The following CDH4 variants were observed in gnomAD, a reference collection of about 807,000 sequenced individuals.
CDH4 encodes cadherin-4.
A neutral mutation model predicts 86.0 loss-of-function variants in CDH4; 33 were observed. The observed-to-expected ratio is 0.38, with a 90% CI of 0.29 to 0.51. The LOEUF (loss-of-function observed/expected upper bound fraction) is 0.51. Among genes scored for constraint, CDH4 ranks in the 20% least tolerant of loss-of-function variants. The pLI, the probability that CDH4 is intolerant of heterozygous loss-of-function variation, is 0.86. For synonymous variants in CDH4, 555 were observed against 549.4 expected, an observed-to-expected ratio of 1.01 and a Z score of -0.14; for missense variants, 1,114 against 1,307.4, an observed-to-expected ratio of 0.85 and a Z score of 2.28.
intron 2 of CDH4, among the ~76,000 whole-genome samples, chr20:61,494,740 GAA>G (rs900019723): frequency 1.3e-5 from 2 of 152,254 alleles, no homozygotes; most frequent in African/African-American, 4.8e-5. Context: ...GCATTGGAGA[GAA>G]AGGGACTTAT....
intron 4 of CDH4, among the ~76,000 whole-genome samples, chr20:61,793,440 G>A (rs1006655209): frequency 2.6e-5 from 4 of 152,202 alleles, no homozygotes; most frequent in African/African-American, 7.2e-5. Context: ...AAAGGCTCTG[G>A]GGGCTAGGGG....
intron 2 of CDH4, among the ~76,000 whole-genome samples, chr20:61,721,160 A>G (rs956577242): frequency 6.6e-6 from 1 of 152,252 alleles, no homozygotes; most frequent in Non-Finnish European, 1.5e-5. Flanking sequence ...GAATGCCTCC[A>G]GGATGAGTAT....
intron 2 of CDH4, among the ~76,000 whole-genome samples, chr20:61,459,782 A>T (rs1247574449): frequency 1.3e-5 from 2 of 151,850 alleles, no homozygotes. Flanking sequence ...GGCAGAAATG[A>T]TTCCCCCAGG....
At chr20:61,906,984 C>T (rs1020065083) in intron 8 of CDH4, among the ~76,000 whole-genome samples, 2 of 152,144 alleles carry the variant, frequency 1.3e-5, no homozygotes, top group African/African-American at 2.4e-5. Context: ...GCAGGGGTCA[C>T]CTGCCTGCCT....
chr20:61,349,537 G>A (rs1220659079), intron 2 of CDH4, among the ~76,000 whole-genome samples: 2 of 152,236 alleles, frequency 1.3e-5, no homozygotes, highest in African/African-American at 4.8e-5. Flanking sequence ...GGATCCAGAC[G>A]AGGCCGGGAG....
chr20:61,583,385 G>A (rs73138615), intron 2 of CDH4, among the ~76,000 whole-genome samples: 4,014 of 152,214 alleles, frequency 0.026, 68 homozygotes, highest in Middle Eastern at 0.071. Context: ...ATGTCTGGGT[G>A]CTTGCCTGTC....
chr20:61,648,914 G>A (rs900523745), intron 2 of CDH4, among the ~76,000 whole-genome samples: 1 of 152,204 alleles, frequency 6.6e-6, no homozygotes. Flanking sequence ...TTGTCCTGGA[G>A]TCTGTCCTGC....
chr20:61,377,745 A>G lies in CDH4; in HGVS notation c.169+122808A>G, dbSNP rs1410700157. ...CCAAGCAATTCTTCAGTGCTGTGTA[A>G]AGGGTACATTCCATCTGTTCCCCAT... On this transcript the variant is annotated intron_variant, in intron 2 of 15. Transcript: ENST00000614565. The surrounding 1 kb of genome is among the most constrained non-coding windows in gnomAD (Gnocchi z 4.0). Among the ~76,000 whole-genome samples the G allele has an allele frequency of 6.6e-6, 1 of 152,168 alleles. No homozygotes were observed. Among genetic ancestry groups the G allele is most frequent in the Non-Finnish European group, 1.5e-5 (1 of 68,018 alleles).
intron 2 of CDH4, among the ~76,000 whole-genome samples, chr20:61,310,925 C>T (rs1283308303): frequency 6.6e-6 from 1 of 152,156 alleles, no homozygotes; most frequent in African/African-American, 2.4e-5. Flanking sequence ...GCCCTGGCTC[C>T]AAATACAGCC....
At chr20:61,606,524 C>T (rs2086646923) in intron 2 of CDH4, among the ~76,000 whole-genome samples, 1 of 152,234 alleles carries the variant, frequency 6.6e-6, no homozygotes, top group Non-Finnish European at 1.5e-5. Flanking sequence ...GTCCTGTGAA[C>T]ACAGAGGTCC....
chr20:61,747,842 A>G (rs773947421), intron 3 of CDH4, among the ~76,000 whole-genome samples: 4 of 152,262 alleles, frequency 2.6e-5, no homozygotes, highest in Non-Finnish European at 5.9e-5. Context: ...GGGCAGAAGT[A>G]ATATTTGAAA....
chr20:61,357,966 G>A (rs1310735225), intron 2 of CDH4, among the ~76,000 whole-genome samples: 5 of 152,148 alleles, frequency 3.3e-5, no homozygotes, highest in South Asian at 2.1e-4. Flanking sequence ...TTGGCAGGGC[G>A]TGGCGGGGAG....
chr20:61,748,464 T>G (rs370521213), intron 3 of CDH4, among the ~76,000 whole-genome samples: 1 of 152,260 alleles, frequency 6.6e-6, no homozygotes, highest in African/African-American at 2.4e-5. Context: ...GGAAGTAAAG[T>G]TGAATGAAGA....
At chr20:61,450,098 A>G (rs2145544705) in intron 2 of CDH4, among the ~76,000 whole-genome samples, 1 of 152,352 alleles carries the variant, frequency 6.6e-6, no homozygotes, top group African/African-American at 2.4e-5. Flanking sequence ...AGTGTTGACA[A>G]TGATGTCATT....
intron 4 of CDH4, among the ~76,000 whole-genome samples, chr20:61,826,828 C>T (rs1204649458): frequency 6.6e-6 from 1 of 152,170 alleles, no homozygotes; most frequent in Non-Finnish European, 1.5e-5. Context: ...CTCACCTCTG[C>T]TCTTGGCCCA....
chr20:61,679,877 TC>T (rs1340777092), intron 2 of CDH4, among the ~76,000 whole-genome samples: 3 of 152,200 alleles, frequency 2.0e-5, no homozygotes, highest in African/African-American at 7.2e-5. Flanking sequence ...TGGGTGGACT[TC>T]CAAGGCTCTT....
chr20:61,384,145 G>A (rs1183209496), intron 2 of CDH4, among the ~76,000 whole-genome samples: 1 of 152,122 alleles, frequency 6.6e-6, no homozygotes, highest in Middle Eastern at 3.4e-3. Flanking sequence ...CCAGACTGAG[G>A]GTGGGTCTGC....
intron 2 of CDH4, among the ~76,000 whole-genome samples, chr20:61,485,479 G>A (rs968336540): frequency 1.3e-5 from 2 of 152,228 alleles, no homozygotes; most frequent in African/African-American, 4.8e-5. Flanking sequence ...GGGTCCCGGA[G>A]ATGCACAGCT....
At chr20:61,432,690 A>T (rs2085254399) in intron 2 of CDH4, among the ~76,000 whole-genome samples, 1 of 152,182 alleles carries the variant, frequency 6.6e-6, no homozygotes, top group Non-Finnish European at 1.5e-5. Context: ...ACTTGGATAG[A>T]AACCAGCATA....
Sources: gnomAD v4.1 joint callset for allele counts (sites outside exome capture counted in the v4.1 genomes callset) on GRCh38, gnomAD v4.1.1 for gene constraint, Gnocchi (gnomAD v3.1) non-coding constraint, MANE v1.5 for transcripts, NCBI Gene and HGNC (gene_info 2026-07-23, HGNC 2026-07-21) for gene names.